ERMARD: variants seen among roughly 807,000 people sequenced by gnomAD.
ERMARD encodes endoplasmic reticulum membrane-associated RNA degradation protein.
ERMARD carries 71 observed loss-of-function variants against 83.9 expected under a neutral mutation model. The observed-to-expected ratio is 0.85, with a 90% confidence interval of 0.70 to 1.03. ERMARD has a LOEUF of 1.03. Among genes scored for constraint, ERMARD ranks in the 50% least tolerant of loss-of-function variants. ERMARD has a pLI of 0.00. For synonymous variants in ERMARD, 284 were observed against 298.6 expected (o/e 0.95, Z 0.50); for missense variants, 838 against 810.9 (o/e 1.03, Z -0.41).
intron 1 of ERMARD, chr6:169,751,995 C>G (rs1790171640): frequency 2.5e-6 from 1 of 392,516 alleles, no homozygotes; most frequent in Non-Finnish European, 4.5e-6. Context: ...CGGGCTCTCA[C>G]CTGACCGTGG....
chr6:169,773,081 G>T, intron 12 of ERMARD: 1 of 438,608 alleles, frequency 2.3e-6, no homozygotes, highest in Non-Finnish European at 4.0e-6. Flanking sequence ...GTGCACAGAG[G>T]GTGGGTGTGG....
At chr6:169,755,668 A>C (rs1020341396) in intron 3 of ERMARD, 1 of 453,030 alleles carries the variant, frequency 2.2e-6, no homozygotes. Context: ...GAGAGCTAAC[A>C]TTTGTCACAC....
chr6:169,760,189 G>A (rs539638677), intron 7 of ERMARD, among the ~76,000 whole-genome samples: 8 of 152,154 alleles, frequency 5.3e-5, no homozygotes, highest in Non-Finnish European at 1.2e-4. Context: ...GGGGTCACAG[G>A]AGTTGCAGCT....
chr6:169,757,865 C>T (rs1791013621), intron 5 of ERMARD, among the ~76,000 whole-genome samples: 1 of 152,222 alleles, frequency 6.6e-6, no homozygotes, highest in Non-Finnish European at 1.5e-5. Context: ...CCTCTTGTTA[C>T]ACTGAATTCT....
chr6:169,756,857 C>A, intron 5 of ERMARD, 49 bp downstream of exon 5: 2 of 1,538,430 alleles, frequency 1.3e-6, no homozygotes, highest in Non-Finnish European at 9.0e-7. Flanking sequence ...CGTTTTCATG[C>A]TGCTGTTAAA....
intron 16 of ERMARD, 78 bp downstream of exon 16, chr6:169,776,751 C>A: frequency 6.6e-7 from 1 of 1,509,862 alleles, no homozygotes; most frequent in Non-Finnish European, 9.0e-7. Flanking sequence ...GTCCTCACTT[C>A]CAGACACACA....
chr6:169,762,680 A>G, intron 9 of ERMARD, 149 bp downstream of exon 9: 1 of 626,764 alleles, frequency 1.6e-6, no homozygotes, highest in Non-Finnish European at 2.8e-6. Context: ...TCATTTCTAT[A>G]GGATTTATAT....
intron 12 of ERMARD, 22 bp downstream of exon 12, chr6:169,769,735 CATTA>C: frequency 1.3e-6 from 2 of 1,555,704 alleles, no homozygotes; most frequent in Non-Finnish European, 1.7e-6. Flanking sequence ...GGAAGAAAAT[CATTA>C]ATTAGATTAA....
chr6:169,779,562 A>G (rs1017123674), intron 17 of ERMARD, among the ~76,000 whole-genome samples: 17 of 151,994 alleles, frequency 1.1e-4, no homozygotes, highest in Non-Finnish European at 2.2e-4. Context: ...TGGCATAATC[A>G]CAGCTCACTG....
At chr6:169,777,774 C>T (rs1211876716) in intron 16 of ERMARD, among the ~76,000 whole-genome samples, 1 of 152,094 alleles carries the variant, frequency 6.6e-6, no homozygotes, top group East Asian at 1.9e-4. Context: ...AGGCCCGCCC[C>T]CCTTCCCCCC....
At chr6:169,755,221 A>T (rs1344074079) in intron 2 of ERMARD, 62 bp from the exon 3 acceptor site, 2 of 1,544,062 alleles carry the variant, frequency 1.3e-6, no homozygotes, top group Middle Eastern at 1.9e-4. Flanking sequence ...TTGATGATGT[A>T]GATATTTTAT....
At chr6:169,760,249 C>T (rs1428229739) in intron 7 of ERMARD, among the ~76,000 whole-genome samples, 4 of 152,210 alleles carry the variant, frequency 2.6e-5, no homozygotes, top group Non-Finnish European at 5.9e-5. Context: ...CAACAGTGGC[C>T]TCAGGCTGTT....
chr6:169,759,790 G>T, intron 6 of ERMARD, 48 bp from the exon 7 acceptor site: 2 of 1,506,364 alleles, frequency 1.3e-6, no homozygotes, highest in Admixed American at 1.9e-5. Flanking sequence ...GCTTTTTATA[G>T]GCATGATTGA....
intron 4 of ERMARD, 112 bp downstream of exon 4, chr6:169,756,551 T>C: frequency 1.0e-6 from 1 of 1,000,732 alleles, no homozygotes; most frequent in Non-Finnish European, 1.5e-6. Context: ...GATAAAATCA[T>C]TTAGTATGAA....
At position 169,776,631 on chromosome 6, in the gene ERMARD, T is replaced by C. The variant is rs144545763; in HGVS notation, c.1697T>C (p.Leu566Pro). ...CACAGGCAGTGGGTGGAAAGGACGC[T>C]GCGGTCTCGCCAGCGGCAGAACTAC... is the stretch of plus-strand genomic sequence containing the variant. The part of the protein sequence containing the change: ...LRHRQWVERT[L>P]RSRQRQNYLR... Residue 566 changes from leucine (L) to proline (P), a missense_variant, in exon 16 of 18, where the codon CTG becomes CCG. Coordinates refer to ENST00000366773, the MANE Select transcript of ERMARD (RefSeq NM_018341.3). 6.2e-7 allele frequency: 1 copy of C among 1,614,186 alleles called. No homozygotes were observed. Among genetic ancestry groups the C allele is most frequent in the South Asian group, 1.1e-5 (1 of 91,076 alleles).
rs772948421 is a variant in ERMARD at position 169,762,479 on chromosome 6, G to A, written c.908G>A (p.Arg303Lys). ...CTGACACAACTGGAGACTGGACTTA[G>A]GAATGTTTTTGCCACACTTAACAGA... ...LLLTQLETGL[R>K]NVFATLNRCP... is the part of the protein sequence containing the mutation. Residue 303 changes from arginine to lysine, a missense_variant, in exon 9 of 18, where the codon AGG becomes AAG. By Grantham distance (26) the Arg-to-Lys change is conservative (BLOSUM62 2). Coordinates refer to ENST00000366773, the MANE Select transcript of ERMARD (RefSeq NM_018341.3). 6.2e-7 allele frequency: 1 copy of A among 1,614,152 alleles called. No individual in the cohort carries two copies. The highest frequency in any genetic ancestry group is 1.1e-5 in the South Asian group (1 of 91,076).
In ERMARD at chr6:169,760,606, G is replaced by A. The variant is rs774814561; in HGVS notation, c.743-36G>A. 8.4e-6 allele frequency: 12 copies of A among 1,428,826 alleles called. No individual in the cohort carries two copies. The Admixed American group carries it at 1.9e-4, about 23-fold the overall frequency. 88.5% of individuals were successfully genotyped at this position (1,428,826 alleles called of 1,614,324 possible). ...GTTTCCATCTTTTTTCAGTTGATCAGTATGATTGTGTTTAAAACCGTGTGT... is the reference window on the plus strand; with the variant it reads ...GTTTCCATCTTTTTTCAGTTGATCAATATGATTGTGTTTAAAACCGTGTGT... On this transcript the variant is annotated intron_variant, in intron 7 of 17. Transcript: ENST00000366773.
intron 5 of ERMARD, 71 bp from the exon 6 acceptor site, chr6:169,758,897 T>C (rs1428419244): frequency 4.4e-6 from 6 of 1,376,754 alleles, no homozygotes; most frequent in South Asian, 3.7e-5. Flanking sequence ...GGAACACAAA[T>C]GTTATCTTCA....
rs112539517 is a variant in ERMARD at position 169,768,460 on chromosome 6, T to C, written c.1059+289T>C. Among the ~76,000 whole-genome samples, 890 of 152,344 alleles carry C rather than the reference T, an allele frequency of 5.8e-3. 9 individuals are homozygous for C. Among genetic ancestry groups the C allele is most frequent in the African/African-American group, 0.02 (827 of 41,578 alleles). On this transcript the variant is annotated intron_variant, in intron 11 of 17. Transcript: ENST00000366773. ...AGAACGGACATATATTTGTGCCTTGTTAAATGCAACAGTTAGGCCGGGTGC... is the reference window on the plus strand; with the variant it reads ...AGAACGGACATATATTTGTGCCTTGCTAAATGCAACAGTTAGGCCGGGTGC...
Sources: allele counts gnomAD v4.1 joint callset (sites outside exome capture counted in the v4.1 genomes callset), GRCh38; gene constraint gnomAD v4.1.1; transcripts MANE v1.5; gene names NCBI Gene and HGNC (gene_info 2026-07-23, HGNC 2026-07-21).